MOB1B: variants seen among roughly 807,000 people sequenced by gnomAD.
MOB1B encodes MOB1 Mps One Binder homolog B.
In MOB1B, 19 loss-of-function variants were observed where a neutral mutation model predicts 24.4. That is an observed-to-expected ratio of 0.78 (90% CI 0.54 to 1.14). The LOEUF (loss-of-function observed/expected upper bound fraction) is 1.14, where lower values mean the gene tolerates loss of function less well. MOB1B is among the 50% of genes most tolerant of loss of function. MOB1B has a pLI of 0.00. For missense variants in MOB1B, 243 were observed against 259.6 expected (o/e 0.94, Z 0.44); for synonymous variants, 76 against 82.1 (o/e 0.93, Z 0.40).
intron 1 of MOB1B, among the ~76,000 whole-genome samples, chr4:70,934,907 A>G (rs1294371622): frequency 6.6e-6 from 1 of 151,732 alleles, no homozygotes; most frequent in African/African-American, 2.4e-5. Flanking sequence ...TTATAATTAA[A>G]AAAATTATTT....
At chr4:70,963,542 G>A (rs574758224) in intron 2 of MOB1B, among the ~76,000 whole-genome samples, 2 of 151,460 alleles carry the variant, frequency 1.3e-5, no homozygotes, top group East Asian at 1.9e-4. Context: ...TTGATTGTCC[G>A]GGCATGGTGG....
intron 1 of MOB1B, among the ~76,000 whole-genome samples, chr4:70,931,859 T>C (rs1736901294): frequency 6.6e-6 from 1 of 151,998 alleles, no homozygotes; most frequent in Non-Finnish European, 1.5e-5. Flanking sequence ...GTCTCCTAAG[T>C]AGCTGGGAGT....
intron 2 of MOB1B, among the ~76,000 whole-genome samples, chr4:70,965,714 G>A (rs1403482474): frequency 2.7e-5 from 4 of 148,638 alleles, no homozygotes; most frequent in African/African-American, 9.9e-5. Flanking sequence ...GGAGAATGGC[G>A]TGAGCCCGGG....
At chr4:70,950,281 C>A (rs949351134) in intron 1 of MOB1B, among the ~76,000 whole-genome samples, 5 of 151,714 alleles carry the variant, frequency 3.3e-5, no homozygotes, top group African/African-American at 1.2e-4. Context: ...ACTAAAAATA[C>A]AAAAATTAGC....
chr4:70,909,187 A>G (rs924802652), intron 1 of MOB1B, among the ~76,000 whole-genome samples: 6 of 151,818 alleles, frequency 4.0e-5, no homozygotes, highest in African/African-American at 1.5e-4. Flanking sequence ...TAGACTCATG[A>G]TAGTGCTATG....
At chr4:70,957,423 G>T (rs536629325) in intron 1 of MOB1B, among the ~76,000 whole-genome samples, 40 of 150,446 alleles carry the variant, frequency 2.7e-4, no homozygotes, top group African/African-American at 8.1e-4. Flanking sequence ...AAAATCGCTC[G>T]CTCTCTCTCT....
At chr4:70,958,578 C>T in intron 1 of MOB1B, 2 of 413,290 alleles carry the variant, frequency 4.8e-6, no homozygotes. Flanking sequence ...GAATGAGAGA[C>T]TTAGAATAGG....
chr4:70,967,681 C>T (rs1738589197), intron 2 of MOB1B, among the ~76,000 whole-genome samples: 1 of 151,102 alleles, frequency 6.6e-6, no homozygotes, highest in African/African-American at 2.4e-5. Flanking sequence ...ATCTCATCAC[C>T]AGGAAATAGA....
intron 1 of MOB1B, among the ~76,000 whole-genome samples, chr4:70,940,449 T>C (rs1348746904): frequency 1.3e-5 from 2 of 151,914 alleles, no homozygotes; most frequent in African/African-American, 2.4e-5. Context: ...AACCACCAAA[T>C]TTGAACTGCA....
At chr4:70,925,071 T>C (rs1736595224) in intron 1 of MOB1B, among the ~76,000 whole-genome samples, 1 of 152,224 alleles carries the variant, frequency 6.6e-6, no homozygotes, top group South Asian at 2.1e-4. Flanking sequence ...TGAGATGGAG[T>C]CTTGCTCTGT....
intron 1 of MOB1B, among the ~76,000 whole-genome samples, chr4:70,958,252 C>T (rs1738151677): frequency 6.6e-6 from 1 of 151,720 alleles, no homozygotes; most frequent in African/African-American, 2.4e-5. Flanking sequence ...ACAACCTCTG[C>T]CTCCCGAGTT....
intron 4 of MOB1B, among the ~76,000 whole-genome samples, chr4:70,977,408 T>C (rs1739048765): frequency 6.6e-6 from 1 of 152,204 alleles, no homozygotes; most frequent in Non-Finnish European, 1.5e-5. Flanking sequence ...GGCAATATGA[T>C]GACATTGAAC....
intron 1 of MOB1B, among the ~76,000 whole-genome samples, chr4:70,939,999 A>C (rs186769548): frequency 6.6e-6 from 1 of 152,292 alleles, no homozygotes; most frequent in African/African-American, 2.4e-5. Flanking sequence ...CCGTCTCTGC[A>C]TCTTTCCGTT....
chr4:70,958,146 A>G (rs111535487), intron 1 of MOB1B, among the ~76,000 whole-genome samples: 28 of 151,462 alleles, frequency 1.8e-4, no homozygotes, highest in African/African-American at 6.5e-4. Flanking sequence ...GGGTAGAAAA[A>G]CATGTAGCTT....
At position 70,958,168 on chromosome 4, in the gene MOB1B, C is replaced by CT. The variant is rs112338268; in HGVS notation, c.15-692dup. On this transcript the variant is annotated intron_variant, in intron 1 of 5. Coordinates refer to ENST00000309395, the MANE Select transcript of MOB1B (RefSeq NM_173468.4). ...AAAACATGTAGCTTTTCTTTTCTTTCTTTTTTTTTTTTTTGAGACGGAATC... is the reference window on the plus strand; with the variant it reads ...AAAACATGTAGCTTTTCTTTTCTTTCTTTTTTTTTTTTTTTGAGACGGAATC... Among the ~76,000 whole-genome samples the CT allele has an allele frequency of 2.4e-3, 341 of 141,778 alleles. 1 individual carries two copies. The South Asian group carries it at 0.029, about 12-fold the overall frequency. 93.0% of individuals were successfully genotyped at this position (141,778 alleles called of 152,430 possible). A position where few individuals can be genotyped will look rare whatever the true frequency, so the allele number is the denominator to read the frequency against.
chr4:70,953,033 C>G (rs985598891), intron 1 of MOB1B, among the ~76,000 whole-genome samples: 5 of 149,774 alleles, frequency 3.3e-5, no homozygotes, highest in Non-Finnish European at 7.4e-5. Context: ...ACCTCCGCCT[C>G]CTGGGATCAA....
rs1461862240 is a variant in MOB1B at position 70,982,714 on chromosome 4, A to C, written c.*657A>C. On this transcript the variant is annotated 3_prime_UTR_variant, in exon 6 of 6. Transcript: ENST00000309395. ...CGTTCAACAATGCTTAAAGCTCTAC[A>C]AGCAGGTCTTTTCCCACCTCTTGAT... 2 of 152,640 alleles carry C rather than the reference A, an allele frequency of 1.3e-5. No individual in the cohort carries two copies. The highest frequency in any genetic ancestry group is 2.4e-5 in the African/African-American group (1 of 41,460). 9.5% of individuals were successfully genotyped at this position (152,640 alleles called of 1,614,324 possible).
intron 1 of MOB1B, among the ~76,000 whole-genome samples, chr4:70,948,807 G>T (rs1560649990): frequency 6.6e-6 from 1 of 150,978 alleles, no homozygotes; most frequent in Admixed American, 6.6e-5. Context: ...GCTGCCTAAT[G>T]TATAGAGGTA....
intron 1 of MOB1B, among the ~76,000 whole-genome samples, chr4:70,939,343 A>G (rs934047626): frequency 1.3e-5 from 2 of 152,226 alleles, no homozygotes; most frequent in Non-Finnish European, 2.9e-5. Context: ...TAAATTTTGG[A>G]AATTATAAAG....
Sources: allele counts gnomAD v4.1 joint callset (sites outside exome capture counted in the v4.1 genomes callset), GRCh38; gene constraint gnomAD v4.1.1; transcripts MANE v1.5; gene names NCBI Gene and HGNC (gene_info 2026-07-23, HGNC 2026-07-21).